Variants in FSTL4 observed in about 807,000 individuals in gnomAD.
The protein encoded by FSTL4 is follistatin like 4, also known as follistatin-related protein 4.
Under a neutral mutation model 78.2 loss-of-function variants are expected in FSTL4, and 28 were observed. The ratio of observed to expected loss-of-function variants is 0.36; its 90% CI spans 0.27 to 0.49. The LOEUF is 0.49. FSTL4 is among the 20% of genes least tolerant of loss of function. The pLI is 0.98. For missense variants in FSTL4, 922 were observed against 1,084.9 expected, an observed-to-expected ratio of 0.85 and a Z score of 2.11; for synonymous variants, 422 against 440.5, an observed-to-expected ratio of 0.96 and a Z score of 0.53.
intron 14 of FSTL4, chr5:133,209,797 T>C (rs1290094529): frequency 2.1e-5 from 4 of 190,860 alleles, no homozygotes; most frequent in Non-Finnish European, 4.4e-5. Context: ...TTTACAGATA[T>C]AATTGCTGCT....
At chr5:133,531,284 G>C (rs823991) in intron 3 of FSTL4, among the ~76,000 whole-genome samples, 58,322 of 151,950 alleles carry the variant, frequency 0.38, 11,360 homozygotes, top group East Asian at 0.42. Context: ...TCCCCCAGTG[G>C]TATGAGTGAG....
intron 6 of FSTL4, among the ~76,000 whole-genome samples, chr5:133,283,031 C>T (rs975664436): frequency 6.8e-6 from 1 of 147,700 alleles, no homozygotes; most frequent in Non-Finnish European, 1.5e-5. Flanking sequence ...AAGGTTGGGG[C>T]CCTGGGCTGG....
chr5:133,755,830 T>C, the FSTL4 span, among the ~76,000 whole-genome samples: 1 of 152,244 alleles, frequency 6.6e-6, no homozygotes, highest in Non-Finnish European at 1.5e-5. Context: ...ACTGTCTCTC[T>C]TCATCAAACT....
At chr5:133,372,614 T>A (rs1755337616) in intron 4 of FSTL4, among the ~76,000 whole-genome samples, 1 of 152,168 alleles carries the variant, frequency 6.6e-6, no homozygotes, top group African/African-American at 2.4e-5. Flanking sequence ...GTGGGAGCCA[T>A]AAAACCAGCC....
the FSTL4 span, among the ~76,000 whole-genome samples, chr5:133,641,531 C>A: frequency 1.3e-5 from 2 of 149,684 alleles, no homozygotes; most frequent in South Asian, 4.3e-4. Context: ...ACCCTGGGAC[C>A]AACACTTCTA....
intron 6 of FSTL4, among the ~76,000 whole-genome samples, chr5:133,258,561 A>G (rs1313564370): frequency 4.6e-5 from 7 of 152,144 alleles, no homozygotes; most frequent in Non-Finnish European, 1.5e-5. Context: ...AGACATATAC[A>G]TCTTCTGTTG....
chr5:133,354,873 A>C (rs537757017), intron 4 of FSTL4, among the ~76,000 whole-genome samples: 1 of 152,354 alleles, frequency 6.6e-6, no homozygotes, highest in South Asian at 2.1e-4. Flanking sequence ...AGTAATGTAC[A>C]TGCATGTGTG....
the FSTL4 span, among the ~76,000 whole-genome samples, chr5:133,798,990 A>AGGAAGGGAGGGAGGGAGGG: frequency 1.5e-5 from 1 of 67,878 alleles, no homozygotes; most frequent in African/African-American, 7.7e-5. Context: ...GGGAGGGAGG[A>AGGAAGGGAGGGAGGGAGGG]AGGGAGGGAG....
chr5:133,408,520 G>A (rs1179201635), intron 3 of FSTL4, among the ~76,000 whole-genome samples: 1 of 151,644 alleles, frequency 6.6e-6, no homozygotes, highest in African/African-American at 2.4e-5. Flanking sequence ...CCACGCTGCT[G>A]TGGGGGAGCT....
intron 4 of FSTL4, among the ~76,000 whole-genome samples, chr5:133,337,743 A>G (rs965362300): frequency 6.6e-6 from 1 of 152,076 alleles, no homozygotes; most frequent in African/African-American, 2.4e-5. Context: ...GCTGCACACC[A>G]CTCAGAGCTT....
chr5:133,724,244 G>A, the FSTL4 span, among the ~76,000 whole-genome samples: 4 of 152,170 alleles, frequency 2.6e-5, no homozygotes, highest in Non-Finnish European at 5.9e-5. Flanking sequence ...TGTCTGTGGA[G>A]GTGACAGAAG....
chr5:133,778,477 A>G, the FSTL4 span, among the ~76,000 whole-genome samples: 3 of 152,226 alleles, frequency 2.0e-5, no homozygotes, highest in Non-Finnish European at 4.4e-5. Context: ...TTCTTTGCAG[A>G]GGCAAAGTGG....
chr5:133,391,111 C>G (rs1455572632), intron 4 of FSTL4, among the ~76,000 whole-genome samples: 1 of 152,202 alleles, frequency 6.6e-6, no homozygotes, highest in Non-Finnish European at 1.5e-5. Flanking sequence ...GGCAGGCGTA[C>G]AGAGACCACG....
chr5:133,838,060 GC>G, the FSTL4 span, among the ~76,000 whole-genome samples: 2 of 151,940 alleles, frequency 1.3e-5, no homozygotes, highest in Non-Finnish European at 2.9e-5. Context: ...GCTAATTTTT[GC>G]ATTTTTAGTA....
chr5:133,703,201 T>C, the FSTL4 span, among the ~76,000 whole-genome samples: 2 of 152,204 alleles, frequency 1.3e-5, no homozygotes, highest in Non-Finnish European at 2.9e-5. Flanking sequence ...AGTAAAAACC[T>C]TTTATGGCTG....
At chr5:133,753,113 T>A in the FSTL4 span, among the ~76,000 whole-genome samples, 1 of 152,106 alleles carries the variant, frequency 6.6e-6, no homozygotes, top group Non-Finnish European at 1.5e-5. Flanking sequence ...AAAGAAAAAG[T>A]CTTTTTGTGG....
intron 11 of FSTL4, among the ~76,000 whole-genome samples, chr5:133,221,481 T>G (rs1322557435): frequency 8.7e-6 from 1 of 114,480 alleles, no homozygotes; most frequent in East Asian, 3.0e-4. Flanking sequence ...CATGCCCCCC[T>G]GACCCCGGCC....
intron 6 of FSTL4, among the ~76,000 whole-genome samples, chr5:133,279,598 G>C (rs562468145): frequency 5.9e-5 from 9 of 152,210 alleles, no homozygotes; most frequent in Non-Finnish European, 4.4e-5. Context: ...CACGGGGAGG[G>C]TGGAAGCCAC....
chr5:133,254,404 A>G (rs982515940), intron 6 of FSTL4, among the ~76,000 whole-genome samples: 4 of 152,270 alleles, frequency 2.6e-5, no homozygotes. Flanking sequence ...ACTGAGGGCA[A>G]GAGGACTGAG....
Sources: allele counts gnomAD v4.1 joint callset (sites outside exome capture counted in the v4.1 genomes callset), GRCh38; gene constraint gnomAD v4.1.1; transcripts MANE v1.5; gene names NCBI Gene and HGNC (gene_info 2026-07-23, HGNC 2026-07-21).